The following PTPRE variants were observed in gnomAD, a reference collection of about 807,000 sequenced individuals.
PTPRE encodes receptor-type tyrosine-protein phosphatase epsilon.
Under a neutral mutation model 102.0 loss-of-function variants are expected in PTPRE, and 51 were observed. The ratio of observed to expected loss-of-function variants is 0.50; its 90% CI spans 0.40 to 0.63. The LOEUF is 0.63. PTPRE is among the 30% of genes least tolerant of loss of function. The probability of loss-of-function intolerance (pLI) is 0.00; values close to 1 mark genes in which losing one functional copy is unlikely to be tolerated. For missense variants in PTPRE, 752 were observed against 915.1 expected (o/e 0.82, Z 2.30); for synonymous variants, 345 against 348.2 (o/e 0.99, Z 0.10).
chr10:127,994,949 G>A (rs184477736), intron 2 of PTPRE, among the ~76,000 whole-genome samples: 107 of 152,302 alleles, frequency 7.0e-4, no homozygotes, highest in Middle Eastern at 6.8e-3. Flanking sequence ...CCACCTACTA[G>A]CATTGAACTT....
rs559558674 is a variant in PTPRE at position 127,969,331 on chromosome 10, GGCCGTGAAGACA to G, written c.-30-12942_-30-12931del. Among the ~76,000 whole-genome samples the G allele has an allele frequency of 5.9e-5, 9 of 152,284 alleles. No individual in the cohort carries two copies. The South Asian group carries it at 1.9e-3, about 32-fold the overall frequency. On this transcript the variant is annotated intron_variant, in intron 1 of 20. Transcript: ENST00000254667. Reference sequence around the variant, plus strand: ...GGGCTCGGGACGTGGAGAGGGCAGGGGCCGTGAAGACATCCTGGTGCCTTTGCAGGGTCGTCA... The same window carrying G: ...GGGCTCGGGACGTGGAGAGGGCAGGGTCCTGGTGCCTTTGCAGGGTCGTCA...
intron 2 of PTPRE, among the ~76,000 whole-genome samples, chr10:128,005,161 A>T (rs986083911): frequency 2.6e-5 from 4 of 152,254 alleles, no homozygotes; most frequent in African/African-American, 9.6e-5. Context: ...AATCATTTGA[A>T]AATACGTTTT....
chr10:127,986,095 A>AC (rs1187636876), intron 2 of PTPRE, among the ~76,000 whole-genome samples: 2 of 152,186 alleles, frequency 1.3e-5, no homozygotes, highest in African/African-American at 4.8e-5. Context: ...TGTCTCAAAA[A>AC]TTAAAAAAAA....
chr10:128,021,420 G>T (rs1025098185), intron 2 of PTPRE, among the ~76,000 whole-genome samples: 1 of 152,158 alleles, frequency 6.6e-6, no homozygotes, highest in Non-Finnish European at 1.5e-5. Flanking sequence ...AGGGATATTC[G>T]CTGAAATGAG....
intron 11 of PTPRE, among the ~76,000 whole-genome samples, chr10:128,067,397 C>T (rs55858483): frequency 6.8e-4 from 62 of 91,658 alleles, no homozygotes; most frequent in South Asian, 1.2e-3. Flanking sequence ...TGTGCACACA[C>T]ACATACACGC....
chr10:127,991,110 T>TG lies in PTPRE; in HGVS notation c.-8+8815dup, dbSNP rs566176868. On this transcript the variant is annotated intron_variant, in intron 2 of 20. Transcript: ENST00000254667. The stretch of plus-strand genomic sequence containing the variant: ...ACCATGGAAACCCTCGATATCACTC[T>TG]GTTCCCCTCTTAGGGGAGTTCTCAA... Among the ~76,000 whole-genome samples the TG allele has an allele frequency of 3.1e-3, 465 of 152,302 alleles. 3 individuals carry two copies. Among genetic ancestry groups the TG allele is most frequent in the African/African-American group, 0.01 (430 of 41,564 alleles).
rs1206437923 is a variant in PTPRE at position 128,073,476 on chromosome 10, G to A, written c.1599+5G>A. Reference sequence around the variant, plus strand: ...GAGGTGCAGGAGAGAGAGCAGGTGAGGAGTGCCGCCCAGCCCGGTCCCTCC... The same window carrying A: ...GAGGTGCAGGAGAGAGAGCAGGTGAAGAGTGCCGCCCAGCCCGGTCCCTCC... On this transcript the variant is annotated splice_donor_5th_base_variant and intron_variant, in intron 17 of 20. Transcript: ENST00000254667. 6 of 1,611,424 alleles carry A rather than the reference G, an allele frequency of 3.7e-6. No homozygotes were observed. The highest frequency in any genetic ancestry group is 5.1e-6 in the Non-Finnish European group (6 of 1,179,380).
In PTPRE at chr10:128,077,813, G is replaced by C. The variant is rs374974095; in HGVS notation, c.1892+30G>C. On this transcript the variant is annotated intron_variant, in intron 19 of 20. Transcript: ENST00000254667. ...GCCCCCAGCCCGAAGCCCTCCAGGT[G>C]GGGTGGACACAGGCTGCACCCCCCC... The C allele has an allele frequency of 4.5e-6, 7 of 1,565,200 alleles. No homozygotes were observed. The South Asian group carries it at 8.1e-5, about 18-fold the overall frequency.
Position 128,066,211 on chromosome 10 carries a change from G to A in PTPRE, c.843+17G>A. 1.9e-6 allele frequency: 3 copies of A among 1,611,156 alleles called. No individual in the cohort carries two copies. The highest frequency in any genetic ancestry group is 2.5e-6 in the Non-Finnish European group (3 of 1,177,708). On this transcript the variant is annotated intron_variant, in intron 11 of 20. Transcript: ENST00000254667. ...ATACAGCCAGTAAGCATCTCTAGTT[G>A]CTGCCCTTCCAGAAAGATCATTTTC... is the stretch of plus-strand genomic sequence containing the variant.
intron 20 of PTPRE, among the ~76,000 whole-genome samples, chr10:128,080,758 A>G (rs1851638327): frequency 6.6e-6 from 1 of 152,204 alleles, no homozygotes; most frequent in Non-Finnish European, 1.5e-5. Flanking sequence ...GCCTGGTAAC[A>G]GCTTGACAGA....
chr10:127,989,903 A>G (rs554892362), intron 2 of PTPRE, among the ~76,000 whole-genome samples: 6 of 152,332 alleles, frequency 3.9e-5, no homozygotes, highest in Middle Eastern at 3.4e-3. Context: ...GTTTCCTTCC[A>G]GCACAGCCAG....
In PTPRE at chr10:128,070,787, T is replaced by C. The variant is rs1564963607; in HGVS notation, c.1294-21T>C. ...GAGTGTCAGAGGTTTAACTGTGTCA[T>C]TATATCCTTCTCTGCTGCAGAAATT... is the stretch of plus-strand genomic sequence containing the variant. On this transcript the variant is annotated intron_variant, in intron 14 of 20. Transcript: ENST00000254667. The surrounding 1 kb of genome is among the most constrained non-coding windows in gnomAD (Gnocchi z 4.8). 9 of 1,605,758 alleles carry C rather than the reference T, an allele frequency of 5.6e-6. No homozygotes were observed. Among genetic ancestry groups the C allele is most frequent in the Non-Finnish European group, 7.7e-6 (9 of 1,172,528 alleles).
chr10:128,047,502 C>A lies in PTPRE; in HGVS notation c.209+13C>A. ...CCTACTTCTTCAGGTAGGAGTGTCC[C>A]GGGGCACTGACTTGCCCCAACCAGC... On this transcript the variant is annotated intron_variant, in intron 4 of 20. Coordinates refer to ENST00000254667, the MANE Select transcript of PTPRE (RefSeq NM_006504.6). 7 of 1,613,152 alleles carry A rather than the reference C, an allele frequency of 4.3e-6. No homozygotes were observed. The highest frequency in any genetic ancestry group is 5.9e-6 in the Non-Finnish European group (7 of 1,179,996).
intron 2 of PTPRE, among the ~76,000 whole-genome samples, chr10:127,988,595 C>G (rs971259222): frequency 6.6e-6 from 1 of 151,998 alleles, no homozygotes; most frequent in African/African-American, 2.4e-5. Flanking sequence ...ATGAGCCACC[C>G]TACCTGGCCT....
chr10:128,071,146 T>G, intron 15 of PTPRE: 1 of 512,288 alleles, frequency 2.0e-6, no homozygotes, highest in Non-Finnish European at 3.5e-6. Context: ...GATATGAGCT[T>G]GCAGATGCGG....
At chr10:128,073,745 G>A (rs994693100) in intron 17 of PTPRE, among the ~76,000 whole-genome samples, 2 of 152,028 alleles carry the variant, frequency 1.3e-5, no homozygotes, top group Non-Finnish European at 2.9e-5. Context: ...TTTGGTATTG[G>A]CCAAGATCAT....
intron 2 of PTPRE, among the ~76,000 whole-genome samples, chr10:128,024,237 T>G (rs1846133649): frequency 6.6e-6 from 1 of 152,234 alleles, no homozygotes; most frequent in Non-Finnish European, 1.5e-5. Context: ...TTTTTCTCTA[T>G]AGGGAGGAAA....
At chr10:127,967,410 T>A (rs1850340415) in intron 1 of PTPRE, among the ~76,000 whole-genome samples, 1 of 152,108 alleles carries the variant, frequency 6.6e-6, no homozygotes, top group Non-Finnish European at 1.5e-5. Flanking sequence ...CCCGTGCTGT[T>A]CTCGTGATAG....
At chr10:128,056,667 A>C (rs1468528620) in intron 7 of PTPRE, among the ~76,000 whole-genome samples, 1 of 152,234 alleles carries the variant, frequency 6.6e-6, no homozygotes, top group Non-Finnish European at 1.5e-5. Flanking sequence ...CAAAAATAAT[A>C]GAATACGAAA....
Sources: gnomAD v4.1 joint callset for allele counts (sites outside exome capture counted in the v4.1 genomes callset) on GRCh38, gnomAD v4.1.1 for gene constraint, Gnocchi (gnomAD v3.1) non-coding constraint, MANE v1.5 for transcripts, NCBI Gene and HGNC (gene_info 2026-07-23, HGNC 2026-07-21) for gene names.